The following TPST1 variants were observed in gnomAD, a reference collection of about 807,000 sequenced individuals.
TPST1 encodes the protein tyrosylprotein sulfotransferase 1.
Under a neutral mutation model 34.8 loss-of-function variants are expected in TPST1, and 20 were observed. The ratio of observed to expected loss-of-function variants is 0.57; its 90% CI spans 0.40 to 0.84. TPST1 has a LOEUF of 0.84. TPST1 is among the 40% of genes least tolerant of loss of function. The pLI, the probability that TPST1 is intolerant of heterozygous loss-of-function variation, is 0.00. For missense variants in TPST1, 353 were observed against 455.5 expected (o/e 0.78, Z 2.05); for synonymous variants, 152 against 159.4 (o/e 0.95, Z 0.35).
chr7:66,221,834 A>G (rs1789549868), intron 1 of TPST1, among the ~76,000 whole-genome samples: 1 of 152,202 alleles, frequency 6.6e-6, no homozygotes, highest in Admixed American at 6.5e-5. Context: ...TTCTTTCCAA[A>G]GACTTGGAAA....
intron 1 of TPST1, among the ~76,000 whole-genome samples, chr7:66,227,862 A>G (rs961268109): frequency 1.3e-5 from 2 of 152,200 alleles, no homozygotes; most frequent in African/African-American, 4.8e-5. Flanking sequence ...TTAGTTTAAG[A>G]AAACAATCGT....
chr7:66,262,085 G>A (rs1469946059), intron 2 of TPST1, among the ~76,000 whole-genome samples: 1 of 152,122 alleles, frequency 6.6e-6, no homozygotes, highest in African/African-American at 2.4e-5. Flanking sequence ...TAGTATTGCT[G>A]TCCACCTGGT....
chr7:66,284,783 C>T (rs185837725), intron 2 of TPST1, among the ~76,000 whole-genome samples: 2 of 152,232 alleles, frequency 1.3e-5, no homozygotes, highest in East Asian at 3.9e-4. Flanking sequence ...TCTCGAACTC[C>T]TGACCTCAAA....
intron 3 of TPST1, among the ~76,000 whole-genome samples, chr7:66,298,543 C>A (rs1791248244): frequency 1.3e-5 from 2 of 152,072 alleles, no homozygotes; most frequent in Non-Finnish European, 1.5e-5. Context: ...GTTTGTTAAT[C>A]CAGTTTTATA....
chr7:66,205,168 T>G (rs1449810270), upstream of TPST1: 1 of 152,208 alleles, frequency 6.6e-6, no homozygotes, highest in Non-Finnish European at 1.5e-5. This position sits in a 1 kb window ranked among gnomAD's most constrained non-coding sequence, Gnocchi z 5.0. Flanking sequence ...CCTCGGCGCC[T>G]GCCGGACCCA....
At chr7:66,238,488 G>A (rs933092432) in intron 1 of TPST1, among the ~76,000 whole-genome samples, 5 of 150,044 alleles carry the variant, frequency 3.3e-5, no homozygotes, top group African/African-American at 4.9e-5. Flanking sequence ...GGAGGCCTGC[G>A]TTAGTGAGAC....
chr7:66,302,274 T>C (rs1406840098), intron 3 of TPST1, among the ~76,000 whole-genome samples: 2 of 152,198 alleles, frequency 1.3e-5, no homozygotes, highest in Admixed American at 1.3e-4. Flanking sequence ...CTTAGCTTTC[T>C]ATATCATTTA....
intron 2 of TPST1, among the ~76,000 whole-genome samples, chr7:66,253,163 T>C (rs1330875140): frequency 6.6e-6 from 1 of 152,144 alleles, no homozygotes; most frequent in Admixed American, 6.5e-5. Context: ...TTATAAGTAA[T>C]CTAGAGATGA....
chr7:66,219,368 T>C (rs766556647), intron 1 of TPST1, among the ~76,000 whole-genome samples: 10 of 152,150 alleles, frequency 6.6e-5, no homozygotes, highest in Admixed American at 5.9e-4. Context: ...CTGGAAAATA[T>C]ACAGGAAAGG....
intron 1 of TPST1, among the ~76,000 whole-genome samples, chr7:66,211,504 C>A (rs1288426682): frequency 6.6e-6 from 1 of 152,190 alleles, no homozygotes; most frequent in Admixed American, 6.5e-5. Context: ...CACTGCCTTG[C>A]ACAGTACTTG....
chr7:66,284,709 A>G (rs1791000553), intron 2 of TPST1, among the ~76,000 whole-genome samples: 1 of 151,936 alleles, frequency 6.6e-6, no homozygotes, highest in African/African-American at 2.4e-5. Flanking sequence ...GACATGCACC[A>G]CCACACCTGG....
intron 2 of TPST1, among the ~76,000 whole-genome samples, chr7:66,276,051 A>G (rs150433462): frequency 7.0e-4 from 106 of 151,940 alleles, no homozygotes; most frequent in Middle Eastern, 3.4e-3. Flanking sequence ...TTCTTCTCCT[A>G]TAGGTAATTT....
chr7:66,236,631 C>T (rs1467188466), intron 1 of TPST1, among the ~76,000 whole-genome samples: 1 of 152,138 alleles, frequency 6.6e-6, no homozygotes, highest in African/African-American at 2.4e-5. Context: ...CAAGCTGTAT[C>T]TCAACCACCT....
At chr7:66,313,634 T>G (rs535613549) in intron 3 of TPST1, among the ~76,000 whole-genome samples, 1 of 152,272 alleles carries the variant, frequency 6.6e-6, no homozygotes, top group South Asian at 2.1e-4. Flanking sequence ...TTCCAGGATT[T>G]CATGAAACAA....
intron 3 of TPST1, among the ~76,000 whole-genome samples, chr7:66,298,391 T>C (rs967234117): frequency 3.9e-5 from 6 of 152,228 alleles, no homozygotes; most frequent in Non-Finnish European, 8.8e-5. Flanking sequence ...GAAATATTTC[T>C]CTTTATCTCT....
chr7:66,278,509 G>T (rs969173606), intron 2 of TPST1, among the ~76,000 whole-genome samples: 1 of 152,124 alleles, frequency 6.6e-6, no homozygotes, highest in South Asian at 2.1e-4. Context: ...ATTGGGCCGG[G>T]CGCAGTGGCT....
chr7:66,204,214 C>A (rs797021519), upstream of TPST1, among the ~76,000 whole-genome samples: 8 of 152,000 alleles, frequency 5.3e-5, no homozygotes, highest in African/African-American at 1.9e-4. Flanking sequence ...GACTATTATT[C>A]GGCCGTAACA....
At chr7:66,334,401 C>T (rs1013316280) in intron 3 of TPST1, among the ~76,000 whole-genome samples, 7 of 151,904 alleles carry the variant, frequency 4.6e-5, no homozygotes, top group East Asian at 1.9e-4. Context: ...GTTGGGAGGC[C>T]GAAACGTGTG....
chr7:66,221,214 G>C (rs939583320), intron 1 of TPST1, among the ~76,000 whole-genome samples: 5 of 152,102 alleles, frequency 3.3e-5, no homozygotes, highest in Non-Finnish European at 7.3e-5. Flanking sequence ...CATTTAGGAG[G>C]CTGTGGAGTT....
Sources: gnomAD v4.1 joint callset for allele counts (sites outside exome capture counted in the v4.1 genomes callset) on GRCh38, gnomAD v4.1.1 for gene constraint, Gnocchi (gnomAD v3.1) non-coding constraint, MANE v1.5 for transcripts, NCBI Gene and HGNC (gene_info 2026-07-23, HGNC 2026-07-21) for gene names.